The following LPP variants were observed in gnomAD, a reference collection of about 807,000 sequenced individuals.
LPP encodes the protein lipoma-preferred partner.
A neutral mutation model predicts 60.4 loss-of-function variants in LPP; 38 were observed. The observed-to-expected ratio is 0.63, with a 90% CI of 0.49 to 0.83. LPP has a LOEUF of 0.83. LPP is among the 40% of genes least tolerant of loss of function. The pLI, the probability that LPP is intolerant of heterozygous loss-of-function variation, is 0.00. For missense variants in LPP, 902 were observed against 783.6 expected (o/e 1.15, Z -1.80); for synonymous variants, 328 against 290.8 (o/e 1.13, Z -1.30).
At chr3:188,741,166 A>C (rs1251457369) in intron 8 of LPP, among the ~76,000 whole-genome samples, 1 of 150,154 alleles carries the variant, frequency 6.7e-6, no homozygotes, top group Non-Finnish European at 1.5e-5. Flanking sequence ...TAAAACCATG[A>C]AATTTATGAA....
At chr3:188,496,343 G>T (rs1018676060) in intron 5 of LPP, among the ~76,000 whole-genome samples, 1 of 152,220 alleles carries the variant, frequency 6.6e-6, no homozygotes, top group East Asian at 1.9e-4. Context: ...TGGCCAGGCT[G>T]GTCTCGAACA....
chr3:188,773,450 A>G (rs147140241), intron 9 of LPP, among the ~76,000 whole-genome samples: 41 of 152,268 alleles, frequency 2.7e-4, no homozygotes, highest in African/African-American at 9.6e-4. Flanking sequence ...CTTGCTTGGG[A>G]TATTGCAATT....
intron 4 of LPP, among the ~76,000 whole-genome samples, chr3:188,410,712 A>G (rs182861085): frequency 1.3e-5 from 2 of 152,260 alleles, no homozygotes; most frequent in East Asian, 3.9e-4. Flanking sequence ...ACGAACTCAT[A>G]CTTATTTTTT....
chr3:188,575,785 G>T (rs1361313058), intron 6 of LPP, among the ~76,000 whole-genome samples: 1 of 152,132 alleles, frequency 6.6e-6, no homozygotes, highest in Non-Finnish European at 1.5e-5. Context: ...CTTCTTGATT[G>T]AAGCATGCTG....
At chr3:188,165,242 C>T (rs1187879000) in intron 1 of LPP, among the ~76,000 whole-genome samples, 1 of 151,856 alleles carries the variant, frequency 6.6e-6, no homozygotes, top group Non-Finnish European at 1.5e-5. Flanking sequence ...TACCACTGCA[C>T]TCCAGCTGGG....
intron 7 of LPP, among the ~76,000 whole-genome samples, chr3:188,670,600 G>T (rs1856774630): frequency 6.6e-6 from 1 of 152,070 alleles, no homozygotes; most frequent in Admixed American, 6.6e-5. Context: ...TTGAGACTGG[G>T]ACCTCATGTT....
intron 9 of LPP, among the ~76,000 whole-genome samples, chr3:188,770,985 T>A (rs980943037): frequency 1.3e-5 from 2 of 152,230 alleles, no homozygotes; most frequent in East Asian, 3.8e-4. Context: ...ATGCAGGCAA[T>A]GACTGTTACA....
chr3:188,228,926 T>C (rs1269529743), intron 2 of LPP, among the ~76,000 whole-genome samples: 1 of 152,220 alleles, frequency 6.6e-6, no homozygotes, highest in African/African-American at 2.4e-5. Flanking sequence ...ACAGTTGTCT[T>C]CTTCCTTAAA....
chr3:188,249,829 TACAC>T (rs61215623), intron 2 of LPP, among the ~76,000 whole-genome samples: 3,402 of 111,174 alleles, frequency 0.031, 58 homozygotes, highest in Middle Eastern at 0.046. Context: ...TTTCTCTGTC[TACAC>T]ACACACACAC....
chr3:188,626,905 G>T (rs1289194607), intron 7 of LPP, among the ~76,000 whole-genome samples: 1 of 151,262 alleles, frequency 6.6e-6, no homozygotes, highest in African/African-American at 2.5e-5. Context: ...TAAAAGCTAT[G>T]AAATACCTCA....
intron 1 of LPP, among the ~76,000 whole-genome samples, chr3:188,198,588 G>T (rs567725690): frequency 6.6e-6 from 1 of 152,328 alleles, no homozygotes; most frequent in East Asian, 1.9e-4. Flanking sequence ...GCATTGGCAT[G>T]CCCATTTTAC....
intron 9 of LPP, among the ~76,000 whole-genome samples, chr3:188,828,660 G>C (rs76145404): frequency 0.016 from 2,072 of 132,434 alleles, 52 homozygotes; most frequent in African/African-American, 0.054. Context: ...ATCCTTCCCA[G>C]TCATGTGACC....
chr3:188,475,767 G>C (rs1803006485), intron 4 of LPP, among the ~76,000 whole-genome samples: 2 of 152,132 alleles, frequency 1.3e-5, no homozygotes, highest in African/African-American at 4.8e-5. Flanking sequence ...GCCGGGCGTG[G>C]TGGCGGGCGC....
At chr3:188,680,381 T>C (rs1859213958) in intron 7 of LPP, among the ~76,000 whole-genome samples, 1 of 152,206 alleles carries the variant, frequency 6.6e-6, no homozygotes, top group African/African-American at 2.4e-5. Flanking sequence ...ATCCATTTAT[T>C]TGGACTATCA....
intron 2 of LPP, among the ~76,000 whole-genome samples, chr3:188,242,005 AG>A (rs1725076215): frequency 6.6e-6 from 1 of 152,166 alleles, no homozygotes; most frequent in Non-Finnish European, 1.5e-5. Flanking sequence ...CTTGAGTTAC[AG>A]TGAGTGATGA....
intron 9 of LPP, among the ~76,000 whole-genome samples, chr3:188,822,707 A>T (rs913614322): frequency 6.6e-6 from 1 of 152,152 alleles, no homozygotes; most frequent in Non-Finnish European, 1.5e-5. Context: ...GCTTGTCATT[A>T]TGCCTGGGAC....
chr3:188,452,820 T>C (rs534031109), intron 4 of LPP, among the ~76,000 whole-genome samples: 1 of 152,350 alleles, frequency 6.6e-6, no homozygotes, highest in South Asian at 2.1e-4. Context: ...GATGGAGTTA[T>C]TCTGTATCCT....
chr3:188,647,243 G>A (rs765003954), intron 7 of LPP, among the ~76,000 whole-genome samples: 2 of 152,230 alleles, frequency 1.3e-5, no homozygotes, highest in Non-Finnish European at 2.9e-5. Flanking sequence ...TGCTGACTTT[G>A]GGATGCCAGC....
At chr3:188,744,928 C>T (rs1416444547) in intron 8 of LPP, among the ~76,000 whole-genome samples, 1 of 152,110 alleles carries the variant, frequency 6.6e-6, no homozygotes, top group Non-Finnish European at 1.5e-5. Context: ...TTGAATGTTC[C>T]ACACAACTTC....
Sources: gnomAD v4.1 joint callset for allele counts (sites outside exome capture counted in the v4.1 genomes callset) on GRCh38, gnomAD v4.1.1 for gene constraint, MANE v1.5 for transcripts, NCBI Gene and HGNC (gene_info 2026-07-23, HGNC 2026-07-21) for gene names.